LARGE1: variants seen among roughly 807,000 people sequenced by gnomAD.
LARGE1 encodes xylosyl- and glucuronyltransferase LARGE1.
Under a neutral mutation model 87.6 loss-of-function variants are expected in LARGE1, and 43 were observed. The ratio of observed to expected loss-of-function variants is 0.49; its 90% CI spans 0.38 to 0.63. The LOEUF (loss-of-function observed/expected upper bound fraction) is 0.63. Ranked by LOEUF, LARGE1 falls within the 30% of genes least tolerant of loss-of-function variation. The pLI, the probability that LARGE1 is intolerant of heterozygous loss-of-function variation, is 0.00. For missense variants in LARGE1, 802 were observed against 1,000.2 expected, an observed-to-expected ratio of 0.80 and a Z score of 2.67; for synonymous variants, 434 against 394.6, an observed-to-expected ratio of 1.10 and a Z score of -1.18.
chr22:33,784,758 T>A (rs1189692012), intron 1 of LARGE1, among the ~76,000 whole-genome samples: 1 of 151,966 alleles, frequency 6.6e-6, no homozygotes, highest in African/African-American at 2.4e-5. Flanking sequence ...ACAATATATA[T>A]ACCATATATT....
intron 11 of LARGE1, 54 bp from the exon 12 acceptor site, chr22:33,304,561 C>T (rs541345888): frequency 8.1e-5 from 121 of 1,502,646 alleles, no homozygotes; most frequent in African/African-American, 6.5e-4. Context: ...ATGCATCATC[C>T]GCCGGGCCTG....
the LARGE1 span, among the ~76,000 whole-genome samples, chr22:33,114,005 G>A: frequency 6.6e-6 from 1 of 151,086 alleles, no homozygotes; most frequent in East Asian, 1.9e-4. Flanking sequence ...CAAGTAGCTG[G>A]GATTACAGAC....
chr22:33,504,874 T>C (rs1248337251), intron 6 of LARGE1, among the ~76,000 whole-genome samples: 2 of 152,230 alleles, frequency 1.3e-5, no homozygotes, highest in African/African-American at 2.4e-5. Flanking sequence ...ACAAGTGGCA[T>C]TTGAAAGCAC....
intron 7 of LARGE1, 27 bp downstream of exon 7, chr22:33,432,134 T>C: frequency 6.3e-7 from 1 of 1,579,454 alleles, no homozygotes; most frequent in South Asian, 1.1e-5. Context: ...CTTCTGCAAC[T>C]CTTCCCATAC....
exon 12 of LARGE1, chr22:33,164,957 G>C (rs1922187020): frequency 6.6e-6 from 1 of 152,114 alleles, no homozygotes; most frequent in Non-Finnish European, 1.5e-5. Flanking sequence ...CTAAACACTG[G>C]GTACTCATGG....
downstream of LARGE1, among the ~76,000 whole-genome samples, chr22:33,267,997 C>T (rs975773159): frequency 2.7e-4 from 41 of 151,242 alleles, no homozygotes; most frequent in African/African-American, 8.6e-4. Flanking sequence ...GCTCTGTTGC[C>T]CAGGCTGGAG....
At chr22:33,707,145 G>A (rs1348812718) in intron 2 of LARGE1, among the ~76,000 whole-genome samples, 1 of 152,140 alleles carries the variant, frequency 6.6e-6, no homozygotes, top group Non-Finnish European at 1.5e-5. Flanking sequence ...ATAATATCAT[G>A]GCTACTAAAG....
intron 1 of LARGE1, among the ~76,000 whole-genome samples, chr22:33,768,765 C>G (rs574088387): frequency 6.6e-6 from 1 of 152,280 alleles, no homozygotes; most frequent in South Asian, 2.1e-4. Flanking sequence ...CATCTAAGAC[C>G]AAGGAATGTT....
At chr22:33,563,516 G>T (rs771234056) in intron 6 of LARGE1, among the ~76,000 whole-genome samples, 2 of 152,250 alleles carry the variant, frequency 1.3e-5, no homozygotes, top group South Asian at 4.2e-4. Context: ...ACTGCCCCTC[G>T]TGAGTTCACT....
intron 5 of LARGE1, among the ~76,000 whole-genome samples, chr22:33,593,232 G>A (rs939932083): frequency 5.9e-5 from 9 of 151,348 alleles, no homozygotes; most frequent in African/African-American, 9.7e-5. Flanking sequence ...TGGTAGAGAC[G>A]GGGTTTCGCC....
chr22:33,115,558 C>T, the LARGE1 span, among the ~76,000 whole-genome samples: 1 of 152,064 alleles, frequency 6.6e-6, no homozygotes, highest in Non-Finnish European at 1.5e-5. Flanking sequence ...TGGCTCATGC[C>T]TGTAATCCCA....
intron 5 of LARGE1, among the ~76,000 whole-genome samples, chr22:33,577,799 T>A (rs1051763803): frequency 7.9e-5 from 12 of 152,254 alleles, no homozygotes; most frequent in Non-Finnish European, 1.6e-4. Context: ...TTGAGGAGGA[T>A]GATCCAGAGT....
At chr22:33,166,605 G>A (rs1422810865) in exon 12 of LARGE1, 3 of 374,446 alleles carry the variant, frequency 8.0e-6, no homozygotes, top group Non-Finnish European at 1.6e-5. Flanking sequence ...CGGGGATGAT[G>A]TTCACCTGGC....
chr22:33,659,120 C>A (rs962054909), intron 2 of LARGE1, among the ~76,000 whole-genome samples: 11 of 152,208 alleles, frequency 7.2e-5, no homozygotes, highest in Admixed American at 3.3e-4. Context: ...TCCCTTCTAG[C>A]CCAGCTGCCT....
At chr22:33,221,541 A>G (rs1925459084) in intron 11 of LARGE1, 1 of 152,250 alleles carries the variant, frequency 6.6e-6, no homozygotes, top group Non-Finnish European at 1.5e-5. Context: ...ATTTATTTCA[A>G]TAACTGAGGA....
At chr22:33,380,310 G>A (rs919685306) in intron 9 of LARGE1, among the ~76,000 whole-genome samples, 8 of 152,078 alleles carry the variant, frequency 5.3e-5, no homozygotes, top group Non-Finnish European at 7.4e-5. Flanking sequence ...AATAAATGCC[G>A]ATGGAAGGAA....
At chr22:33,694,067 G>T (rs995104559) in intron 2 of LARGE1, among the ~76,000 whole-genome samples, 4 of 152,130 alleles carry the variant, frequency 2.6e-5, no homozygotes, top group African/African-American at 9.7e-5. Flanking sequence ...CCACTGTCTT[G>T]ATCTAGTGAA....
At chr22:33,314,783 A>T (rs1420546285) in intron 11 of LARGE1, among the ~76,000 whole-genome samples, 1 of 152,220 alleles carries the variant, frequency 6.6e-6, no homozygotes, top group Non-Finnish European at 1.5e-5. Context: ...TGTAAATTGA[A>T]GCGGAAGCCA....
At chr22:33,600,198 C>T (rs1433433457) in intron 5 of LARGE1, among the ~76,000 whole-genome samples, 1 of 152,196 alleles carries the variant, frequency 6.6e-6, no homozygotes, top group East Asian at 1.9e-4. Flanking sequence ...GCTCTAAATT[C>T]ATTGTGTATC....
Sources: allele counts gnomAD v4.1 joint callset (sites outside exome capture counted in the v4.1 genomes callset), GRCh38; gene constraint gnomAD v4.1.1; transcripts MANE v1.5; gene names NCBI Gene and HGNC (gene_info 2026-07-23, HGNC 2026-07-21).